PKP2: variants seen among roughly 807,000 people sequenced by gnomAD.
PKP2 encodes plakophilin 2, also known as plakophilin-2.
Under a neutral mutation model 83.4 loss-of-function variants are expected in PKP2, and 73 were observed. The ratio of observed to expected loss-of-function variants is 0.88; its 90% CI spans 0.72 to 1.06. The LOEUF is 1.06. PKP2 is among the 50% of genes least tolerant of loss of function. The pLI is 0.00. For synonymous variants in PKP2, 409 were observed against 430.4 expected, an observed-to-expected ratio of 0.95 and a Z score of 0.62; for missense variants, 966 against 1,065.4, an observed-to-expected ratio of 0.91 and a Z score of 1.30.
intron 9 of PKP2, among the ~76,000 whole-genome samples, chr12:32,812,279 A>T (rs1956284310): frequency 6.6e-6 from 1 of 152,022 alleles, no homozygotes; most frequent in South Asian, 2.1e-4. Context: ...AGATTTTGAA[A>T]ATTTGGATTA....
intron 6 of PKP2, among the ~76,000 whole-genome samples, chr12:32,830,936 T>G (rs1218368254): frequency 1.3e-5 from 2 of 152,026 alleles, no homozygotes. Flanking sequence ...TAGCTCTGCT[T>G]TCCTGCATTT....
chr12:32,808,173 G>T (rs1180109734), intron 9 of PKP2, among the ~76,000 whole-genome samples: 1 of 152,076 alleles, frequency 6.6e-6, no homozygotes, highest in Non-Finnish European at 1.5e-5. Flanking sequence ...TCAGTTGCAG[G>T]TTCCATCTCT....
intron 5 of PKP2, among the ~76,000 whole-genome samples, chr12:32,844,777 A>C (rs1392681739): frequency 2.0e-5 from 3 of 152,210 alleles, no homozygotes; most frequent in African/African-American, 7.2e-5. Flanking sequence ...GCCCAGTGAC[A>C]AAACAGACTC....
rs1956121104 is a variant in PKP2 at position 32,796,194 on chromosome 12, T to C, written c.2272A>G (p.Ile758Val). ...GCATTCTGGTAACTGTTTTGGATTA[T>C]GTTGTTCAATGTGTAACAGGCAGAG... ...TASACYTLNN[I>V]IQNSYQNARD... The change falls in exon 11 of 13, where the codon ATA becomes GTA. Residue 758 changes from isoleucine to valine, a missense_variant. Ile to Val is a conservative substitution (Grantham distance 29, BLOSUM62 3). Coordinates refer to ENST00000340811, the MANE Select transcript of PKP2 (RefSeq NM_001005242.3). The C allele has an allele frequency of 1.9e-6, 3 of 1,613,980 alleles. No individual in the cohort carries two copies. The highest frequency in any genetic ancestry group is 2.5e-6 in the Non-Finnish European group (3 of 1,179,952).
rs1956065712 is a variant in PKP2 at position 32,791,495 on chromosome 12, C to CA, written c.*928_*929insT. ...GGCAGTCTGAGAGAAGGCCTTAGTT[C>CA]CTCTTGCAGATAAAGATAGAGTCCA... On this transcript the variant is annotated 3_prime_UTR_variant, in exon 13 of 13. Transcript: ENST00000340811. The CA allele has an allele frequency of 6.6e-6, 1 of 152,118 alleles. No individual in the cohort carries two copies. The highest frequency in any genetic ancestry group is 2.4e-5 in the African/African-American group (1 of 41,398). The allele number at this position is 152,118 out of a possible 1,614,324, so 9.4% of individuals were successfully genotyped here. A position where few individuals can be genotyped will look rare whatever the true frequency, so the allele number is the denominator to read the frequency against.
chr12:32,874,945 C>T (rs1344182322), intron 3 of PKP2, among the ~76,000 whole-genome samples: 3 of 151,908 alleles, frequency 2.0e-5, no homozygotes, highest in African/African-American at 7.3e-5. Context: ...CTCGGGGTCT[C>T]CCTATTTTGC....
intron 11 of PKP2, among the ~76,000 whole-genome samples, chr12:32,793,697 G>A (rs1304377578): frequency 7.5e-6 from 1 of 133,220 alleles, no homozygotes; most frequent in Non-Finnish European, 1.5e-5. Context: ...CCAGGTTCAA[G>A]CGATTCTCCT....
intron 4 of PKP2, among the ~76,000 whole-genome samples, chr12:32,857,696 T>G (rs1053515459): frequency 2.6e-5 from 4 of 152,124 alleles, no homozygotes; most frequent in Admixed American, 2.0e-4. Flanking sequence ...ATTTTTAGGT[T>G]TGCATATAAT....
At chr12:32,808,500 T>C (rs112541354) in intron 9 of PKP2, among the ~76,000 whole-genome samples, 5 of 152,180 alleles carry the variant, frequency 3.3e-5, no homozygotes, top group African/African-American at 1.2e-4. Context: ...AGTTTGTTAT[T>C]TCCCACCTTC....
chr12:32,818,611 C>A (rs1956342523), intron 9 of PKP2, among the ~76,000 whole-genome samples: 1 of 152,088 alleles, frequency 6.6e-6, no homozygotes. Flanking sequence ...ACTAGAGTGA[C>A]CATTATAACT....
rs1956071625 is a variant in PKP2 at position 32,791,998 on chromosome 12, A to C, written c.*426T>G. 3.5e-6 allele frequency: 1 copy of C among 289,746 alleles called. No homozygotes were observed. The highest frequency in any genetic ancestry group is 5.0e-5 in the Admixed American group (1 of 19,978). The allele number at this position is 289,746 out of a possible 1,614,324, so 17.9% of individuals were successfully genotyped here. Reference sequence around the variant, plus strand: ...CTGTTTCAACACTGCAGAACAATACACTGGAGGCCCAATGGCGAAGCAATG... The same window carrying C: ...CTGTTTCAACACTGCAGAACAATACCCTGGAGGCCCAATGGCGAAGCAATG... On this transcript the variant is annotated 3_prime_UTR_variant, in exon 13 of 13. Coordinates refer to ENST00000340811, the MANE Select transcript of PKP2 (RefSeq NM_001005242.3).
intron 4 of PKP2, among the ~76,000 whole-genome samples, chr12:32,851,783 T>C (rs1956698499): frequency 6.6e-6 from 1 of 152,210 alleles, no homozygotes; most frequent in Admixed American, 6.5e-5. Flanking sequence ...CCCTAAATTC[T>C]TATAACCAAT....
chr12:32,824,151 G>C lies in PKP2; in HGVS notation c.1568C>G (p.Ser523Cys). 6.2e-7 allele frequency: 1 copy of C among 1,609,684 alleles called. No homozygotes were observed. The highest frequency in any genetic ancestry group is 8.5e-7 in the Non-Finnish European group (1 of 1,176,556). ...CGCTTTTCTCCCATCAGCGCCAGCA[G>C]AACTCATGTTTCTATCAGAAAAAAC... is the stretch of plus-strand genomic sequence containing the variant. ...NVTGCLRNMS[S>C]AGADGRKAMR... The change falls in exon 7 of 13, where the codon TCT (serine) becomes TGT (cysteine). Residue 523 changes from serine (S) to cysteine (C), a missense_variant. Coordinates refer to ENST00000340811, the MANE Select transcript of PKP2 (RefSeq NM_001005242.3).
intron 1 of PKP2, among the ~76,000 whole-genome samples, chr12:32,881,829 C>T (rs942923930): frequency 6.6e-6 from 1 of 152,100 alleles, no homozygotes; most frequent in Admixed American, 6.5e-5. Context: ...GGCTGAGGCT[C>T]GCGCCTAGGC....
intron 3 of PKP2, 117 bp downstream of exon 3, chr12:32,877,729 T>C (rs1956943310): frequency 1.3e-6 from 1 of 796,016 alleles, no homozygotes; most frequent in South Asian, 1.5e-5. Context: ...ATTATTTTAA[T>C]CACTTATCTC....
intron 6 of PKP2, among the ~76,000 whole-genome samples, chr12:32,833,569 C>T (rs115920018): frequency 0.017 from 2,616 of 152,112 alleles, 76 homozygotes; most frequent in African/African-American, 0.061. Context: ...TGACAACTCC[C>T]CACTCCAGCT....
At chr12:32,838,309 A>C (rs1376761854) in intron 6 of PKP2, among the ~76,000 whole-genome samples, 1 of 152,172 alleles carries the variant, frequency 6.6e-6, no homozygotes, top group African/African-American at 2.4e-5. Flanking sequence ...GGAACAATAA[A>C]CACTGGGGAT....
intron 4 of PKP2, among the ~76,000 whole-genome samples, chr12:32,856,941 T>C (rs1956755305): frequency 6.6e-6 from 1 of 152,076 alleles, no homozygotes; most frequent in African/African-American, 2.4e-5. Context: ...TTCTACTTTA[T>C]AGGTAAGAAA....
At chr12:32,860,267 C>T (rs2137893282) in intron 4 of PKP2, among the ~76,000 whole-genome samples, 1 of 152,236 alleles carries the variant, frequency 6.6e-6, no homozygotes, top group Non-Finnish European at 1.5e-5. Flanking sequence ...AACAGAACTC[C>T]TGAGATGTGC....
Sources: allele counts gnomAD v4.1 joint callset (sites outside exome capture counted in the v4.1 genomes callset), GRCh38; gene constraint gnomAD v4.1.1; transcripts MANE v1.5; gene names NCBI Gene and HGNC (gene_info 2026-07-23, HGNC 2026-07-21).